Variants in XPO1 observed in about 807,000 individuals in gnomAD.
The protein encoded by XPO1 is exportin-1.
XPO1 carries 5 observed loss-of-function variants against 133.3 expected under a neutral mutation model. The ratio of observed to expected loss-of-function variants is 0.04; its 90% CI spans 0.02 to 0.08. The LOEUF is 0.08. XPO1 is among the 10% of genes least tolerant of loss of function. XPO1 has a pLI of 1.00. For synonymous variants in XPO1, 419 were observed against 408.2 expected (o/e 1.03, Z -0.32); for missense variants, 506 against 1,267.5 (o/e 0.40, Z 9.12).
intron 2 of XPO1, among the ~76,000 whole-genome samples, chr2:61,529,274 A>G (rs1699049507): frequency 6.6e-6 from 1 of 152,250 alleles, no homozygotes; most frequent in African/African-American, 2.4e-5. Flanking sequence ...TAAAGCATCA[A>G]AAACAGGGTA....
intron 17 of XPO1, among the ~76,000 whole-genome samples, chr2:61,490,130 C>A (rs1297707231): frequency 6.6e-6 from 1 of 151,708 alleles, no homozygotes; most frequent in Non-Finnish European, 1.5e-5. Flanking sequence ...ACCTAGTGAT[C>A]CACCCGTCTC....
At chr2:61,510,405 A>T (rs2104610592) in intron 4 of XPO1, among the ~76,000 whole-genome samples, 1 of 152,332 alleles carries the variant, frequency 6.6e-6, no homozygotes, top group Admixed American at 6.5e-5. Flanking sequence ...ATGAAATATT[A>T]ATAAGAACAA....
intron 2 of XPO1, among the ~76,000 whole-genome samples, chr2:61,528,819 T>C (rs1391075688): frequency 6.7e-6 from 1 of 148,684 alleles, no homozygotes; most frequent in Non-Finnish European, 1.5e-5. Context: ...ACATTAATAT[T>C]TTTACCAACA....
Position 61,492,445 on chromosome 2 carries a change from C to T in XPO1, c.1603G>A (p.Asp535Asn). 6.2e-7 allele frequency: 1 copy of T among 1,600,636 alleles called. No homozygotes were observed. Among genetic ancestry groups the T allele is most frequent in the Non-Finnish European group, 8.5e-7 (1 of 1,176,408 alleles). ...LGLCEQKRGK[D>N]NKAIIASNIM... ...TTTGATGCAATAATAGCTTTATTATCTTTGCCTCTTTTCTGTTCACATAAT... is the reference window on the plus strand; with the variant it reads ...TTTGATGCAATAATAGCTTTATTATTTTTGCCTCTTTTCTGTTCACATAAT... The change falls in exon 15 of 25, where the codon GAT (aspartate) becomes AAT (asparagine). Residue 535 changes from aspartate to asparagine, a missense_variant. By Grantham distance (23) the Asp-to-Asn change is conservative. Coordinates refer to ENST00000401558, the MANE Select transcript of XPO1 (RefSeq NM_003400.4). The surrounding 1 kb of genome is among the most constrained non-coding windows in gnomAD (Gnocchi z 5.6).
rs62151769 is a variant in XPO1 at position 61,485,545 on chromosome 2, G to T, written c.2508+223C>A. The T allele has an allele frequency of 2.9e-4, 65 of 225,730 alleles. 1 individual carries two copies. Among genetic ancestry groups the T allele is most frequent in the Admixed American group, 1.4e-3 (21 of 15,020 alleles). The allele number at this position is 225,730 out of a possible 1,614,324, so 14.0% of individuals were successfully genotyped here. A position where few individuals can be genotyped will look rare whatever the true frequency, so the allele number is the denominator to read the frequency against. On this transcript the variant is annotated intron_variant, in intron 20 of 24. Transcript: ENST00000401558. ...ATGCCACCATGACTGGTTACTTTTT[G>T]AACTTTTTGTAGAGATGAAGTCTCA...
chr2:61,488,727 A>G lies in XPO1; in HGVS notation c.2067T>C (p.Gly689=). 1 of 1,614,204 alleles carries G rather than the reference A, an allele frequency of 6.2e-7. No homozygotes were observed. The highest frequency in any genetic ancestry group is 8.5e-7 in the Non-Finnish European group (1 of 1,180,040). ...LKDPETVKQL[G]SILKTNVRAC... ...CTCTCACATTTGTTTTCAAAATGCT[A>G]CCAAGCTGCTTGACTGTTTCAGGAT... is the stretch of plus-strand genomic sequence containing the variant. Residue 689 remains glycine (G), a synonymous_variant, in exon 18 of 25, where the codon GGT becomes GGC. Transcript: ENST00000401558.
At chr2:61,517,980 A>C (rs1032678661) in intron 4 of XPO1, among the ~76,000 whole-genome samples, 6 of 152,034 alleles carry the variant, frequency 3.9e-5, no homozygotes, top group African/African-American at 1.4e-4. Context: ...AAATACAAAA[A>C]TTAGCCAGGC....
intron 20 of XPO1, 98 bp from the exon 21 acceptor site, chr2:61,484,203 G>C: frequency 9.1e-7 from 1 of 1,093,456 alleles, no homozygotes; most frequent in South Asian, 1.6e-5. Flanking sequence ...AATATTTGGA[G>C]TTTTCAATAA....
At chr2:61,505,614 AG>A (rs928887427) in intron 4 of XPO1, among the ~76,000 whole-genome samples, 3 of 152,030 alleles carry the variant, frequency 2.0e-5, no homozygotes, top group Admixed American at 6.6e-5. Context: ...ATTGGTGTGC[AG>A]TGGCGTGATC....
intron 6 of XPO1, among the ~76,000 whole-genome samples, chr2:61,500,967 T>C (rs1331859873): frequency 6.6e-6 from 1 of 152,174 alleles, no homozygotes; most frequent in East Asian, 1.9e-4. Flanking sequence ...AATCGGGGCC[T>C]GAATAAACTT....
At chr2:61,531,233 T>C (rs1349627026) in intron 2 of XPO1, among the ~76,000 whole-genome samples, 3 of 152,232 alleles carry the variant, frequency 2.0e-5, no homozygotes, top group East Asian at 3.8e-4. Flanking sequence ...TAAATCTTGT[T>C]TCTTCATTTA....
Position 61,482,994 on chromosome 2 carries a change from A to G in XPO1, c.2775T>C (p.His925=), listed in dbSNP as rs761859739. 7 of 1,613,664 alleles carry G rather than the reference A, an allele frequency of 4.3e-6. No homozygotes were observed. In the South Asian group the frequency reaches 7.7e-5, roughly 18 times the overall value. Residue 925 remains histidine (H), a synonymous_variant, in exon 22 of 25, where the codon CAT becomes CAC. Coordinates refer to ENST00000401558, the MANE Select transcript of XPO1 (RefSeq NM_003400.4). ...AAGTGTCTGTCACAACAGAAAAGAT[A>G]TGCTGGAGAATATCACAAAAATAAG... is the stretch of plus-strand genomic sequence containing the variant. ...YQTYFCDILQ[H]IFSVVTDTSH... is the part of the protein sequence containing the mutation.
intron 3 of XPO1, among the ~76,000 whole-genome samples, chr2:61,523,790 T>C (rs1180143337): frequency 6.6e-6 from 1 of 152,226 alleles, no homozygotes; most frequent in Admixed American, 6.5e-5. Context: ...AACTACATTG[T>C]GCTCAAACAG....
rs143005485 is a variant in XPO1, at chr2:61,492,047, A to G, written c.1875T>C (p.Leu625=). The G allele has an allele frequency of 6.2e-7, 1 of 1,614,198 alleles. No individual in the cohort carries two copies. Among genetic ancestry groups the G allele is most frequent in the Non-Finnish European group, 8.5e-7 (1 of 1,180,026 alleles). The change falls in exon 16 of 25, where the codon CTT becomes CTC. Residue 625 remains leucine, a synonymous_variant. Coordinates refer to ENST00000401558, the MANE Select transcript of XPO1 (RefSeq NM_003400.4). The surrounding 1 kb of genome is among the most constrained non-coding windows in gnomAD (Gnocchi z 5.6). ...LNNINTIICD[L]QPQQVHTFYE... The stretch of plus-strand genomic sequence containing the variant: ...GTGCTTAACATACCTGTTGAGGCTG[A>G]AGATCACAAATAATAGTGTTAATGT...
chr2:61,485,573 A>G (rs1696652371), intron 20 of XPO1, 195 bp downstream of exon 20: 1 of 404,964 alleles, frequency 2.5e-6, no homozygotes. Flanking sequence ...AAGTCTCACT[A>G]TATTGCCCAG....
intron 7 of XPO1, 116 bp from the exon 8 acceptor site, chr2:61,499,029 C>T (rs991340617): frequency 4.1e-6 from 5 of 1,225,660 alleles, no homozygotes; most frequent in South Asian, 1.7e-5. Context: ...TGCCTGTAAT[C>T]GCAGAACTTT....
intron 3 of XPO1, chr2:61,526,085 C>G: frequency 8.9e-7 from 1 of 1,126,394 alleles, no homozygotes; most frequent in East Asian, 4.8e-5. Flanking sequence ...ATATTGATTA[C>G]TTGCCCAAAA....
intron 10 of XPO1, among the ~76,000 whole-genome samples, chr2:61,496,337 G>T (rs192795799): frequency 8.7e-4 from 133 of 152,212 alleles, no homozygotes; most frequent in Non-Finnish European, 1.5e-3. Flanking sequence ...TCAGCCTCCA[G>T]AGTAGCTGGA....
intron 3 of XPO1, chr2:61,525,201 C>T: frequency 2.2e-6 from 2 of 919,720 alleles, no homozygotes; most frequent in Non-Finnish European, 2.6e-6. Flanking sequence ...CCCCTTTCCC[C>T]TCCCACCGCC....
Sources: allele counts gnomAD v4.1 joint callset (sites outside exome capture counted in the v4.1 genomes callset), GRCh38; gene constraint gnomAD v4.1.1; non-coding constraint Gnocchi (gnomAD v3.1); transcripts MANE v1.5; gene names NCBI Gene and HGNC (gene_info 2026-07-23, HGNC 2026-07-21).